Variants in DPYD observed in about 807,000 individuals in gnomAD.
DPYD encodes the protein dihydropyrimidine dehydrogenase [NADP(+)].
DPYD carries 109 observed loss-of-function variants against 116.2 expected under a neutral mutation model. That is an observed-to-expected ratio of 0.94 (90% confidence interval 0.80 to 1.10). The LOEUF (loss-of-function observed/expected upper bound fraction) is 1.10. DPYD is among the 50% of genes least tolerant of loss of function. The probability of loss-of-function intolerance (pLI) is 0.00; values close to 1 mark genes in which losing one functional copy is unlikely to be tolerated. For missense variants in DPYD, 1,302 were observed against 1,254.5 expected (o/e 1.04, Z -0.57); for synonymous variants, 440 against 432.0 (o/e 1.02, Z -0.23).
intron 13 of DPYD, among the ~76,000 whole-genome samples, chr1:97,454,958 A>G (rs1676603966): frequency 6.6e-6 from 1 of 151,918 alleles, no homozygotes; most frequent in South Asian, 2.1e-4. Flanking sequence ...GAATTTTATA[A>G]ACATCTTGTT....
At chr1:97,409,521 T>C (rs1306755900) in intron 14 of DPYD, among the ~76,000 whole-genome samples, 2 of 152,206 alleles carry the variant, frequency 1.3e-5, no homozygotes, top group Non-Finnish European at 2.9e-5. Flanking sequence ...ATCATTGAGA[T>C]GTAATTAATG....
chr1:97,798,599 A>T (rs1667698889), intron 3 of DPYD, among the ~76,000 whole-genome samples: 1 of 151,956 alleles, frequency 6.6e-6, no homozygotes, highest in Non-Finnish European at 1.5e-5. Context: ...ATTGAGGTGA[A>T]GATATTTGTC....
chr1:97,413,677 C>T (rs1417635078), intron 14 of DPYD, among the ~76,000 whole-genome samples: 2 of 152,088 alleles, frequency 1.3e-5, no homozygotes, highest in Admixed American at 1.3e-4. Context: ...GGTTTCACCA[C>T]GTTGCCCAGG....
chr1:97,338,520 G>A (rs1032390452), intron 16 of DPYD, among the ~76,000 whole-genome samples: 54 of 152,160 alleles, frequency 3.5e-4, no homozygotes, highest in African/African-American at 1.3e-3. Flanking sequence ...AGAAGAGCAC[G>A]TCTGCCAAGG....
intron 14 of DPYD, among the ~76,000 whole-genome samples, chr1:97,392,699 C>T (rs1557680818): frequency 6.6e-6 from 1 of 152,040 alleles, no homozygotes; most frequent in Non-Finnish European, 1.5e-5. Flanking sequence ...TAGATTTCAT[C>T]TCAAGCAACC....
chr1:97,190,155 T>C (rs1356528120), intron 20 of DPYD, among the ~76,000 whole-genome samples: 1 of 152,172 alleles, frequency 6.6e-6, no homozygotes, highest in Non-Finnish European at 1.5e-5. Flanking sequence ...CTTCATTGGG[T>C]ATTTCCAACC....
intron 18 of DPYD, among the ~76,000 whole-genome samples, chr1:97,281,084 A>C (rs2100933727): frequency 6.6e-6 from 1 of 152,322 alleles, no homozygotes; most frequent in East Asian, 1.9e-4. Flanking sequence ...AAGTTAAAAT[A>C]TAATGATCAA....
chr1:97,171,287 C>T (rs936080808), intron 20 of DPYD, among the ~76,000 whole-genome samples: 2 of 152,108 alleles, frequency 1.3e-5, no homozygotes, highest in African/African-American at 4.8e-5. Context: ...ATAATTTATC[C>T]TAAGTTCACT....
At chr1:97,373,674 A>C (rs1401737917) in intron 15 of DPYD, 30 bp from the exon 16 acceptor site, 2 of 1,594,636 alleles carry the variant, frequency 1.3e-6, no homozygotes, top group South Asian at 1.1e-5. Context: ...ATGAAAGAAA[A>C]GGCAAAGCTT....
intron 5 of DPYD, among the ~76,000 whole-genome samples, chr1:97,710,171 T>C (rs2100999339): frequency 6.6e-6 from 1 of 151,958 alleles, no homozygotes; most frequent in African/African-American, 2.4e-5. Context: ...CTTTTGCTCG[T>C]TTCAGTTTCT....
chr1:97,793,035 G>A (rs1667396428), intron 3 of DPYD, among the ~76,000 whole-genome samples: 1 of 152,114 alleles, frequency 6.6e-6, no homozygotes, highest in Non-Finnish European at 1.5e-5. Context: ...TATCAATACT[G>A]GTTCATTAAT....
At chr1:97,180,221 ATATAAT>A (rs1657555354) in intron 20 of DPYD, among the ~76,000 whole-genome samples, 1 of 152,108 alleles carries the variant, frequency 6.6e-6, no homozygotes, top group African/African-American at 2.4e-5. Context: ...ATAAAGCTCA[ATATAAT>A]TATAATTTCT....
At chr1:97,127,232 G>C (rs1652919228) in intron 20 of DPYD, among the ~76,000 whole-genome samples, 1 of 152,112 alleles carries the variant, frequency 6.6e-6, no homozygotes, top group Non-Finnish European at 1.5e-5. Context: ...GTGACAAAGA[G>C]GAAAACAGAA....
intron 3 of DPYD, among the ~76,000 whole-genome samples, chr1:97,780,170 C>T (rs530631679): frequency 2.0e-5 from 3 of 152,114 alleles, no homozygotes; most frequent in Non-Finnish European, 4.4e-5. Flanking sequence ...TTTGTAATCA[C>T]CTTTGTGTTC....
Position 97,290,814 on chromosome 1 carries a change from A to G in DPYD, c.2299+14445T>C, listed in dbSNP as rs1324816364. On this transcript the variant is annotated intron_variant, in intron 18 of 22. Coordinates refer to ENST00000370192, the MANE Select transcript of DPYD (RefSeq NM_000110.4). ...GTCTAAAACACCAAAAGCAATGGCA[A>G]CAAAAGCCAGAGTTAACAAATGGGA... 4.6e-5 allele frequency among the ~76,000 whole-genome samples: 7 copies of G among 152,342 alleles called. No individual in the cohort carries two copies. In the East Asian group the frequency reaches 1.2e-3, roughly 25 times the overall value.
chr1:97,177,220 C>T (rs780467083), intron 20 of DPYD, among the ~76,000 whole-genome samples: 26 of 152,128 alleles, frequency 1.7e-4, no homozygotes, highest in South Asian at 1.0e-3. Flanking sequence ...ATACTAGGTA[C>T]GAACGGTTGT....
intron 14 of DPYD, among the ~76,000 whole-genome samples, chr1:97,441,982 C>T (rs901753002): frequency 8.5e-5 from 13 of 152,062 alleles, no homozygotes; most frequent in African/African-American, 3.1e-4. Flanking sequence ...ATAGAGTTTT[C>T]CAGTTTGGCT....
chr1:97,536,117 G>A (rs1649977444), intron 12 of DPYD, among the ~76,000 whole-genome samples: 1 of 152,054 alleles, frequency 6.6e-6, no homozygotes, highest in South Asian at 2.1e-4. Context: ...ATACATTTCT[G>A]GTACTAGTTA....
intron 18 of DPYD, among the ~76,000 whole-genome samples, chr1:97,301,838 T>C (rs1666885448): frequency 6.6e-6 from 1 of 151,860 alleles, no homozygotes; most frequent in Non-Finnish European, 1.5e-5. Flanking sequence ...GATAACACCA[T>C]TTATATAGGT....
Sources: allele counts gnomAD v4.1 joint callset (sites outside exome capture counted in the v4.1 genomes callset), GRCh38; gene constraint gnomAD v4.1.1; transcripts MANE v1.5; gene names NCBI Gene and HGNC (gene_info 2026-07-23, HGNC 2026-07-21).